CELF2: variants seen among roughly 807,000 people sequenced by gnomAD.
The protein encoded by CELF2 is CUGBP Elav-like family member 2.
A neutral mutation model predicts 62.6 loss-of-function variants in CELF2; 8 were observed. That is an observed-to-expected ratio of 0.13 (90% CI 0.07 to 0.23). CELF2 has a LOEUF of 0.23. Ranked by LOEUF, CELF2 falls within the 10% of genes least tolerant of loss-of-function variation. The pLI, the probability that CELF2 is intolerant of heterozygous loss-of-function variation, is 1.00. For missense variants in CELF2, 333 were observed against 671.0 expected (o/e 0.50, Z 5.56); for synonymous variants, 258 against 250.0 (o/e 1.03, Z -0.30).
chr10:10,884,103 G>C (rs1231571705), intron 1 of CELF2, among the ~76,000 whole-genome samples: 1 of 151,944 alleles, frequency 6.6e-6, no homozygotes, highest in Non-Finnish European at 1.5e-5. Flanking sequence ...CTTCTTTCTT[G>C]CTCTCCTTTT....
chr10:10,519,175 A>T, the CELF2 span, among the ~76,000 whole-genome samples: 1 of 152,158 alleles, frequency 6.6e-6, no homozygotes, highest in East Asian at 1.9e-4. Context: ...GTCAGGCAAG[A>T]TATTTGCCTG....
chr10:11,044,088 C>T (rs1200088254), intron 1 of CELF2, among the ~76,000 whole-genome samples: 1 of 152,208 alleles, frequency 6.6e-6, no homozygotes, highest in Non-Finnish European at 1.5e-5. Context: ...TAAGAATCTA[C>T]TTAGTCGCCT....
chr10:11,303,883 C>T (rs1418066103), intron 9 of CELF2, among the ~76,000 whole-genome samples: 1 of 152,326 alleles, frequency 6.6e-6, no homozygotes, highest in East Asian at 1.9e-4. Flanking sequence ...CTTCCGCACG[C>T]GACTTCACTT....
chr10:10,931,530 T>C lies in CELF2; in HGVS notation c.89+11531T>C, dbSNP rs908506833. Among the ~76,000 whole-genome samples the C allele has an allele frequency of 6.6e-6, 1 of 152,170 alleles. No homozygotes were observed. Among genetic ancestry groups the C allele is most frequent in the Non-Finnish European group, 1.5e-5 (1 of 68,032 alleles). ...TCACCCAGATCCCAACCTGTGGAAC[T>C]CAGGCTAGCATCGACATAGTGACAC... On this transcript the variant is annotated intron_variant, in intron 2 of 13. Transcript: ENST00000636488. This position sits in a 1 kb window ranked among gnomAD's most constrained non-coding sequence, Gnocchi z 6.1.
At chr10:10,583,102 G>A in the CELF2 span, among the ~76,000 whole-genome samples, 6 of 152,126 alleles carry the variant, frequency 3.9e-5, no homozygotes, top group Non-Finnish European at 2.9e-5. Flanking sequence ...GATAATGAAA[G>A]CTGTCTTCAA....
At chr10:11,228,011 A>G (rs2067212309) in intron 3 of CELF2, among the ~76,000 whole-genome samples, 1 of 152,212 alleles carries the variant, frequency 6.6e-6, no homozygotes, top group South Asian at 2.1e-4. Flanking sequence ...CACATTAAGT[A>G]GCATATGGGG....
At chr10:11,044,830 A>C (rs748785167) in intron 1 of CELF2, among the ~76,000 whole-genome samples, 6 of 152,212 alleles carry the variant, frequency 3.9e-5, no homozygotes, top group Non-Finnish European at 8.8e-5. Context: ...TGAGAATCTT[A>C]TCTAAAACAT....
chr10:10,747,024 G>A, the CELF2 span, among the ~76,000 whole-genome samples: 1 of 152,202 alleles, frequency 6.6e-6, no homozygotes, highest in African/African-American at 2.4e-5. Flanking sequence ...TGGCTTCCTT[G>A]AAGTAAGTCC....
intron 1 of CELF2, among the ~76,000 whole-genome samples, chr10:10,865,522 C>G (rs145117390): frequency 0.013 from 2,038 of 152,184 alleles, 30 homozygotes; most frequent in Middle Eastern, 0.048. Flanking sequence ...GTTTTATTAG[C>G]CTTATAGTTA....
upstream of CELF2, among the ~76,000 whole-genome samples, chr10:10,797,638 T>G (rs1590436136): frequency 1.3e-5 from 2 of 152,256 alleles, no homozygotes; most frequent in Admixed American, 1.3e-4. Flanking sequence ...GCAGAAATCT[T>G]GACGGGCTGG....
chr10:10,479,330 G>A, the CELF2 span, among the ~76,000 whole-genome samples: 292 of 152,010 alleles, frequency 1.9e-3, 3 homozygotes, highest in African/African-American at 6.7e-3. Context: ...CACCGTGCCC[G>A]GATAATTTTT....
At chr10:10,550,693 T>C in the CELF2 span, among the ~76,000 whole-genome samples, 2 of 151,810 alleles carry the variant, frequency 1.3e-5, no homozygotes, top group Admixed American at 1.3e-4. Context: ...GATTCTGTCA[T>C]GTGATGTCTT....
At chr10:10,554,367 G>A in the CELF2 span, among the ~76,000 whole-genome samples, 3 of 152,102 alleles carry the variant, frequency 2.0e-5, no homozygotes, top group African/African-American at 4.8e-5. Context: ...GGTCTTTGGC[G>A]TGTTTGCACT....
At chr10:10,714,493 G>GA in the CELF2 span, among the ~76,000 whole-genome samples, 73 of 151,904 alleles carry the variant, frequency 4.8e-4, no homozygotes, top group African/African-American at 1.6e-3. Flanking sequence ...TGAACTAGGG[G>GA]AAAAAAAATC....
the CELF2 span, among the ~76,000 whole-genome samples, chr10:10,671,165 C>CAAAAAAAA: frequency 1.6e-5 from 1 of 62,854 alleles, no homozygotes. Flanking sequence ...GATCCTGTCT[C>CAAAAAAAA]AAAAAAAAAA....
chr10:11,270,602 G>GT lies in CELF2; in HGVS notation c.619-63dup. 1 of 1,332,452 alleles carries GT rather than the reference G, an allele frequency of 7.5e-7. No individual in the cohort carries two copies. The highest frequency in any genetic ancestry group is 2.9e-5 in the Admixed American group (1 of 34,356). The allele number at this position is 1,332,452 out of a possible 1,614,324, so 82.5% of individuals were successfully genotyped here. ...TGCAGAAAGGTAGCTCCGGTGCTGA[G>GT]TGTCGTGAGCGGATTCCGCCAGCCT... On this transcript the variant is annotated intron_variant, in intron 6 of 12. Transcript: ENST00000633077. This position sits in a 1 kb window ranked among gnomAD's most constrained non-coding sequence, Gnocchi z 5.8.
At chr10:10,914,468 A>C (rs1453894960) in intron 1 of CELF2, among the ~76,000 whole-genome samples, 1 of 152,252 alleles carries the variant, frequency 6.6e-6, no homozygotes, top group Non-Finnish European at 1.5e-5. Flanking sequence ...TTTAAAATTA[A>C]AAGATTTTTT....
intron 2 of CELF2, chr10:10,935,050 C>T (rs2066479706): frequency 6.6e-6 from 1 of 152,172 alleles, no homozygotes; most frequent in Non-Finnish European, 1.5e-5. Context: ...TTTGACCACC[C>T]ACCTCAATTG....
In CELF2 at chr10:11,280,527, T is replaced by A. The variant is rs1468631197; in HGVS notation, c.841+5407T>A. On this transcript the variant is annotated intron_variant, in intron 8 of 12. Coordinates refer to ENST00000633077, the MANE Select transcript of CELF2 (RefSeq NM_001326342.2). The surrounding 1 kb of genome is among the most constrained non-coding windows in gnomAD (Gnocchi z 7.6). Reference sequence around the variant, plus strand: ...ATCTGTGGTGGGAGGAGCCAAGACATCAGCCACCAGGGACGTGCATCGTTG... The same window carrying A: ...ATCTGTGGTGGGAGGAGCCAAGACAACAGCCACCAGGGACGTGCATCGTTG... Among the ~76,000 whole-genome samples, 2 of 152,114 alleles carry A rather than the reference T, an allele frequency of 1.3e-5. No individual in the cohort carries two copies. Among genetic ancestry groups the A allele is most frequent in the Non-Finnish European group, 2.9e-5 (2 of 68,020 alleles).
Sources: allele counts gnomAD v4.1 joint callset (sites outside exome capture counted in the v4.1 genomes callset), GRCh38; gene constraint gnomAD v4.1.1; non-coding constraint Gnocchi (gnomAD v3.1); transcripts MANE v1.5; gene names NCBI Gene and HGNC (gene_info 2026-07-23, HGNC 2026-07-21).